JAKMIP2: variants seen among roughly 807,000 people sequenced by gnomAD.
JAKMIP2 encodes janus kinase and microtubule interacting protein 2, also known as janus kinase and microtubule-interacting protein 2.
Under a neutral mutation model 115.0 loss-of-function variants are expected in JAKMIP2, and 25 were observed. The observed-to-expected ratio is 0.22, with a 90% CI of 0.16 to 0.30. The LOEUF (loss-of-function observed/expected upper bound fraction) is 0.30, where lower values mean the gene tolerates loss of function less well. Among genes scored for constraint, JAKMIP2 ranks in the 10% least tolerant of loss-of-function variants. The pLI, the probability that JAKMIP2 is intolerant of heterozygous loss-of-function variation, is 1.00. For synonymous variants in JAKMIP2, 334 were observed against 343.6 expected (o/e 0.97, Z 0.31); for missense variants, 642 against 957.6 (o/e 0.67, Z 4.35).
intron 6 of JAKMIP2, 60 bp from the exon 7 acceptor site, chr5:147,644,258 T>C (rs145824364): frequency 6.4e-6 from 9 of 1,408,940 alleles, no homozygotes; most frequent in Middle Eastern, 2.7e-4. Context: ...CTTTGGTTGT[T>C]AACATAAAAT....
intron 20 of JAKMIP2, among the ~76,000 whole-genome samples, chr5:147,608,088 C>T (rs1011048945): frequency 2.0e-5 from 3 of 151,922 alleles, no homozygotes; most frequent in Admixed American, 1.3e-4. Context: ...GTCTGGCTAG[C>T]GGTCTATGTA....
chr5:147,704,422 G>A (rs1752489995), intron 1 of JAKMIP2, among the ~76,000 whole-genome samples: 1 of 152,134 alleles, frequency 6.6e-6, no homozygotes, highest in African/African-American at 2.4e-5. Context: ...CATGGTAGAT[G>A]TGGTCCATCT....
At chr5:147,666,553 A>G (rs73270116) in intron 2 of JAKMIP2, among the ~76,000 whole-genome samples, 4,940 of 152,294 alleles carry the variant, frequency 0.032, 292 homozygotes, top group African/African-American at 0.11. Context: ...GGGCGGCTCT[A>G]TGATGTAGGA....
In JAKMIP2 at chr5:147,588,198, ATAAC is replaced by A. The variant is rs991083064; in HGVS notation, c.*3505_*3508del. The A allele has an allele frequency of 5.9e-5, 9 of 152,110 alleles. No individual in the cohort carries two copies. The highest frequency in any genetic ancestry group is 5.2e-4 in the Admixed American group (8 of 15,264). The allele number at this position is 152,110 out of a possible 1,614,324, so 9.4% of individuals were successfully genotyped here. A position where few individuals can be genotyped will look rare whatever the true frequency, so the allele number is the denominator to read the frequency against. On this transcript the variant is annotated 3_prime_UTR_variant, in exon 22 of 22. Coordinates refer to ENST00000616793, the MANE Select transcript of JAKMIP2 (RefSeq NM_001270941.2). The stretch of plus-strand genomic sequence containing the variant: ...CTTTCATGAAATTTTTCTATCCTGA[ATAAC>A]TATTTAAATTGGGTCTTTTATTTAT...
chr5:147,727,853 CTTAA>C (rs111913585), intron 1 of JAKMIP2, among the ~76,000 whole-genome samples: 19,504 of 151,910 alleles, frequency 0.13, 1,321 homozygotes, highest in Middle Eastern at 0.19. Context: ...TCTCAGTAGA[CTTAA>C]TTGTTTTTCT....
rs1208409856 is a variant in JAKMIP2 at position 147,639,767 on chromosome 5, G to A, written c.1402-7C>T. On this transcript the variant is annotated splice_region_variant and splice_polypyrimidine_tract_variant and intron_variant, in intron 9 of 21. Transcript: ENST00000616793. ...ATTCTTCAGCTGCTAAACTCTTGAG[G>A]TTAAGAAAAAAAGCCCCAAAACAAT... 5.0e-6 allele frequency: 8 copies of A among 1,600,932 alleles called. No individual in the cohort carries two copies. The highest frequency in any genetic ancestry group is 1.4e-5 in the African/African-American group (1 of 70,600).
chr5:147,678,127 C>T (rs1760071322), intron 1 of JAKMIP2, among the ~76,000 whole-genome samples: 1 of 152,156 alleles, frequency 6.6e-6, no homozygotes, highest in Non-Finnish European at 1.5e-5. Flanking sequence ...CCTCAGCCTC[C>T]TGAGTAGCTG....
intron 1 of JAKMIP2, among the ~76,000 whole-genome samples, chr5:147,701,928 A>T (rs1182896848): frequency 6.6e-6 from 1 of 152,074 alleles, no homozygotes; most frequent in Admixed American, 6.6e-5. Context: ...ACTAGTGACC[A>T]CTCATTTTGC....
chr5:147,782,570 T>G lies in JAKMIP2; in HGVS notation c.-263A>C, dbSNP rs79156986. 72,844 of 1,060,380 alleles carry G rather than the reference T, an allele frequency of 0.069. 2,708 individuals are homozygous for G. Among genetic ancestry groups the G allele is most frequent in the Middle Eastern group, 0.11 (466 of 4,424 alleles). The allele number at this position is 1,060,380 out of a possible 1,614,324, so 65.7% of individuals were successfully genotyped here. Reference sequence around the variant, plus strand: ...ACCCAACATCAGCAGTGGCTGCCGGTTTTTTTTTTCCCTCTGTCTCTGGTT... The same window carrying G: ...ACCCAACATCAGCAGTGGCTGCCGGGTTTTTTTTTCCCTCTGTCTCTGGTT... On this transcript the variant is annotated 5_prime_UTR_variant, in exon 1 of 22. Transcript: ENST00000616793.
chr5:147,772,341 G>C (rs1404268334), intron 1 of JAKMIP2, among the ~76,000 whole-genome samples: 1 of 151,706 alleles, frequency 6.6e-6, no homozygotes, highest in African/African-American at 2.4e-5. Context: ...ATGTTTGTCT[G>C]CAGGATTATT....
intron 1 of JAKMIP2, among the ~76,000 whole-genome samples, chr5:147,682,799 C>A (rs1760357370): frequency 6.6e-6 from 1 of 152,136 alleles, no homozygotes. Context: ...CTAGAATAAA[C>A]AATAAAATTA....
intron 1 of JAKMIP2, among the ~76,000 whole-genome samples, chr5:147,688,525 C>T (rs1415144198): frequency 1.3e-5 from 2 of 152,100 alleles, no homozygotes; most frequent in African/African-American, 4.8e-5. Flanking sequence ...TTAAATGCAA[C>T]TAATAATAAT....
intron 16 of JAKMIP2, among the ~76,000 whole-genome samples, chr5:147,627,477 A>G (rs1176673147): frequency 2.0e-5 from 3 of 152,114 alleles, no homozygotes; most frequent in Non-Finnish European, 4.4e-5. Context: ...CAAATCCCAG[A>G]GGGTCTGTAT....
intron 21 of JAKMIP2, chr5:147,594,447 A>G (rs893859315): frequency 1.1e-5 from 5 of 455,244 alleles, no homozygotes; most frequent in African/African-American, 8.0e-5. Flanking sequence ...CCATCCTTGC[A>G]CTTCAGCCTC....
At chr5:147,656,732 T>C (rs967348771) in intron 3 of JAKMIP2, among the ~76,000 whole-genome samples, 1 of 152,224 alleles carries the variant, frequency 6.6e-6, no homozygotes, top group African/African-American at 2.4e-5. Flanking sequence ...GTCATCATGA[T>C]GCTAGCTGGT....
chr5:147,721,720 C>T (rs577332382), intron 1 of JAKMIP2, among the ~76,000 whole-genome samples: 10 of 152,188 alleles, frequency 6.6e-5, no homozygotes, highest in African/African-American at 1.4e-4. Flanking sequence ...GCGCACGGTG[C>T]GCGCACCCAC....
chr5:147,694,079 AT>A (rs1455352063), intron 1 of JAKMIP2, among the ~76,000 whole-genome samples: 4 of 152,138 alleles, frequency 2.6e-5, no homozygotes, highest in Non-Finnish European at 5.9e-5. Flanking sequence ...GCCAATTAAT[AT>A]TTTTAAATTG....
At chr5:147,636,911 A>G (rs369398201) in intron 11 of JAKMIP2, 54 bp downstream of exon 11, 399 of 870,006 alleles carry the variant, frequency 4.6e-4, no homozygotes, top group Non-Finnish European at 5.0e-4. Context: ...GAGCTACAGG[A>G]AGGTCAGATT....
chr5:147,738,931 G>A (rs1754030715), intron 1 of JAKMIP2, among the ~76,000 whole-genome samples: 1 of 152,148 alleles, frequency 6.6e-6, no homozygotes, highest in Non-Finnish European at 1.5e-5. Context: ...TTGAGAATCA[G>A]TTTCATAACC....
Sources: allele counts gnomAD v4.1 joint callset (sites outside exome capture counted in the v4.1 genomes callset), GRCh38; gene constraint gnomAD v4.1.1; transcripts MANE v1.5; gene names NCBI Gene and HGNC (gene_info 2026-07-23, HGNC 2026-07-21).